The following SAP30BP variants were observed in gnomAD, a reference collection of about 807,000 sequenced individuals.
The protein encoded by SAP30BP is SAP30-binding protein.
SAP30BP carries 31 observed loss-of-function variants against 46.3 expected under a neutral mutation model. The observed-to-expected ratio is 0.67, with a 90% confidence interval of 0.50 to 0.90. SAP30BP has a LOEUF of 0.90. SAP30BP is among the 40% of genes least tolerant of loss of function. The probability of loss-of-function intolerance (pLI) is 0.00; values close to 1 mark genes in which losing one functional copy is unlikely to be tolerated. For synonymous variants in SAP30BP, 169 were observed against 144.2 expected (o/e 1.17, Z -1.23); for missense variants, 312 against 391.0 (o/e 0.80, Z 1.70).
chr17:75,703,126 C>G lies in SAP30BP; in HGVS notation c.489-185C>G, dbSNP rs550081226. Reference sequence around the variant, plus strand: ...GCCGTCACCTTGACCCTGTGCTCCTCCCGGCCCCTAGCTAACAGGTCCATC... The same window carrying G: ...GCCGTCACCTTGACCCTGTGCTCCTGCCGGCCCCTAGCTAACAGGTCCATC... On this transcript the variant is annotated intron_variant, in intron 6 of 10. Transcript: ENST00000584667. The G allele has an allele frequency of 6.6e-5, 40 of 604,764 alleles. 1 individual carries two copies. The African/African-American group carries it at 6.8e-4, about 10-fold the overall frequency. 37.5% of individuals were successfully genotyped at this position (604,764 alleles called of 1,614,324 possible). A position where few individuals can be genotyped will look rare whatever the true frequency, so the allele number is the denominator to read the frequency against.
chr17:75,671,408 G>T (rs2059905924), intron 2 of SAP30BP, among the ~76,000 whole-genome samples: 1 of 152,186 alleles, frequency 6.6e-6, no homozygotes, highest in African/African-American at 2.4e-5. Flanking sequence ...GAAAAGGAAA[G>T]AAGGCTCATA....
chr17:75,671,168 G>A (rs2059902424), intron 2 of SAP30BP, among the ~76,000 whole-genome samples: 1 of 152,248 alleles, frequency 6.6e-6, no homozygotes, highest in Non-Finnish European at 1.5e-5. Context: ...AGTTCTGTGA[G>A]CACTTAGGTG....
intron 1 of SAP30BP, among the ~76,000 whole-genome samples, chr17:75,667,780 T>A (rs2059821725): frequency 6.6e-6 from 1 of 152,230 alleles, no homozygotes; most frequent in African/African-American, 2.4e-5. Flanking sequence ...TCCCCTGGGC[T>A]CGTTGTTTGA....
chr17:75,680,520 C>T (rs950593025), intron 3 of SAP30BP, among the ~76,000 whole-genome samples: 40 of 152,180 alleles, frequency 2.6e-4, no homozygotes, highest in African/African-American at 9.4e-4. Context: ...CAGTCAGGGC[C>T]GTGAGACCCC....
chr17:75,669,266 C>T (rs1041148724), intron 2 of SAP30BP, among the ~76,000 whole-genome samples: 9 of 150,640 alleles, frequency 6.0e-5, no homozygotes, highest in South Asian at 2.1e-4. Flanking sequence ...TTTTTTTTGT[C>T]GGAATCTTGC....
rs552769830 is a variant in SAP30BP at position 75,697,590 on chromosome 17, C to T, written c.308-2193C>T. Among the ~76,000 whole-genome samples, 14 of 152,304 alleles carry T rather than the reference C, an allele frequency of 9.2e-5. No homozygotes were observed. The East Asian group carries it at 1.4e-3, about 15-fold the overall frequency. On this transcript the variant is annotated intron_variant, in intron 4 of 10. Coordinates refer to ENST00000584667, the MANE Select transcript of SAP30BP (RefSeq NM_013260.8). The stretch of plus-strand genomic sequence containing the variant: ...TATCACCCAGTCTCTGTCCTCTTGC[C>T]GTCACCTAAAATGGCAGATTAGTGC...
At chr17:75,682,446 A>G (rs1267896132) in intron 3 of SAP30BP, among the ~76,000 whole-genome samples, 1 of 151,996 alleles carries the variant, frequency 6.6e-6, no homozygotes, top group African/African-American at 2.4e-5. Context: ...CGGCCTCCCA[A>G]AGTGCTGGGA....
chr17:75,689,362 G>A (rs996677908), intron 3 of SAP30BP, among the ~76,000 whole-genome samples: 5 of 151,858 alleles, frequency 3.3e-5, no homozygotes, highest in African/African-American at 1.2e-4. Flanking sequence ...AGTGATCTGC[G>A]CACCTCAGCC....
intron 5 of SAP30BP, among the ~76,000 whole-genome samples, chr17:75,701,096 C>T (rs2060403307): frequency 6.6e-6 from 1 of 152,168 alleles, no homozygotes. Flanking sequence ...TGCAGTTCAG[C>T]TCTGCTCTGG....
At chr17:75,700,429 C>T (rs541099892) in intron 5 of SAP30BP, among the ~76,000 whole-genome samples, 27 of 152,088 alleles carry the variant, frequency 1.8e-4, no homozygotes, top group African/African-American at 2.7e-4. Context: ...GGGTTCAGCC[C>T]GTGGCTCTCC....
At chr17:75,689,155 CTT>C (rs11306586) in intron 3 of SAP30BP, among the ~76,000 whole-genome samples, 184 of 133,898 alleles carry the variant, frequency 1.4e-3, no homozygotes, top group Non-Finnish European at 1.5e-3. Flanking sequence ...TTCCTTGTAT[CTT>C]TTTTTTTTTT....
At chr17:75,677,998 TGTCC>T (rs2060018836) in intron 3 of SAP30BP, among the ~76,000 whole-genome samples, 1 of 152,036 alleles carries the variant, frequency 6.6e-6, no homozygotes, top group Admixed American at 6.6e-5. Flanking sequence ...GCTCTGAAAA[TGTCC>T]GTTAAGTTGT....
At chr17:75,687,917 G>GT (rs2060181565) in intron 3 of SAP30BP, among the ~76,000 whole-genome samples, 1 of 120,260 alleles carries the variant, frequency 8.3e-6, no homozygotes, top group Non-Finnish European at 1.8e-5. Context: ...CAGTGTTTGG[G>GT]GTGTGTGTGT....
At chr17:75,687,917 G>GGTGGGT (rs1555721327) in intron 3 of SAP30BP, among the ~76,000 whole-genome samples, 1 of 120,260 alleles carries the variant, frequency 8.3e-6, no homozygotes. Flanking sequence ...CAGTGTTTGG[G>GGTGGGT]GTGTGTGTGT....
intron 3 of SAP30BP, among the ~76,000 whole-genome samples, chr17:75,680,766 GCTCAAGC>G (rs2060064523): frequency 6.6e-6 from 1 of 152,226 alleles, no homozygotes; most frequent in Non-Finnish European, 1.5e-5. Context: ...GAGTGTGGTA[GCTCAAGC>G]CTGTAATCCC....
chr17:75,667,517 G>C (rs200987166), intron 1 of SAP30BP, 39 bp downstream of exon 1: 1 of 1,582,854 alleles, frequency 6.3e-7, no homozygotes, highest in East Asian at 2.2e-5. Context: ...GGAATCGGGT[G>C]TCTGCCCGGA....
chr17:75,685,028 T>A (rs2060136155), intron 3 of SAP30BP, among the ~76,000 whole-genome samples: 1 of 152,196 alleles, frequency 6.6e-6, no homozygotes, highest in African/African-American at 2.4e-5. Context: ...CAGAGGGGCC[T>A]TCTTGATGGC....
At chr17:75,670,495 A>T (rs561222398) in intron 2 of SAP30BP, among the ~76,000 whole-genome samples, 1 of 146,068 alleles carries the variant, frequency 6.8e-6, no homozygotes, top group Non-Finnish European at 1.5e-5. Context: ...AAGTACACAC[A>T]TTCTGGCTTA....
intron 3 of SAP30BP, chr17:75,693,196 C>A: frequency 2.0e-6 from 1 of 493,750 alleles, no homozygotes; most frequent in Non-Finnish European, 3.7e-6. Context: ...TGGGTTTGGT[C>A]ACTGAAAAGG....
Sources: gnomAD v4.1 joint callset for allele counts (sites outside exome capture counted in the v4.1 genomes callset) on GRCh38, gnomAD v4.1.1 for gene constraint, MANE v1.5 for transcripts, NCBI Gene and HGNC (gene_info 2026-07-23, HGNC 2026-07-21) for gene names.